The following STAU2 variants were observed in gnomAD, a reference collection of about 807,000 sequenced individuals.
STAU2 encodes double-stranded RNA-binding protein Staufen homolog 2.
A neutral mutation model predicts 65.9 loss-of-function variants in STAU2; 20 were observed. The observed-to-expected ratio is 0.30, with a 90% CI of 0.21 to 0.44. The LOEUF is 0.44. Ranked by LOEUF, STAU2 falls within the 20% of genes least tolerant of loss-of-function variation. STAU2 has a pLI of 1.00. For missense variants in STAU2, 558 were observed against 683.9 expected, an observed-to-expected ratio of 0.82 and a Z score of 2.05; for synonymous variants, 232 against 233.9, an observed-to-expected ratio of 0.99 and a Z score of 0.07.
At chr8:73,510,624 G>A (rs1327822057) in intron 13 of STAU2, among the ~76,000 whole-genome samples, 1 of 152,186 alleles carries the variant, frequency 6.6e-6, no homozygotes, top group Admixed American at 6.5e-5. Context: ...GAGGCCTCAG[G>A]AAACTTCAAT....
At position 73,420,751 on chromosome 8, in the gene STAU2, GT is replaced by G; in HGVS notation, c.*620del. ...TTGAAACTACTTGCTCTTAACATTA[GT>G]TCGTATTTTTCATCAGATATCTGAC... On this transcript the variant is annotated 3_prime_UTR_variant, in exon 15 of 15. Transcript: ENST00000524300. The G allele has an allele frequency of 6.4e-6, 1 of 155,664 alleles. No individual in the cohort carries two copies. The highest frequency in any genetic ancestry group is 3.4e-3 in the Middle Eastern group (1 of 296). 9.6% of individuals were successfully genotyped at this position (155,664 alleles called of 1,614,324 possible).
chr8:73,577,669 C>T (rs905509991), intron 12 of STAU2, among the ~76,000 whole-genome samples: 1 of 152,080 alleles, frequency 6.6e-6, no homozygotes, highest in Non-Finnish European at 1.5e-5. Context: ...GGCTAATTCC[C>T]TTCAGAATGA....
At chr8:73,694,589 A>G (rs1819576192) in intron 4 of STAU2, among the ~76,000 whole-genome samples, 1 of 152,214 alleles carries the variant, frequency 6.6e-6, no homozygotes, top group African/African-American at 2.4e-5. Context: ...CCCCCAGTGG[A>G]ACACCAAATT....
intron 4 of STAU2, among the ~76,000 whole-genome samples, chr8:73,704,797 C>T (rs1272808878): frequency 3.9e-5 from 6 of 152,040 alleles, no homozygotes; most frequent in African/African-American, 1.4e-4. Context: ...GCCTCCCGAG[C>T]AGCTGGGACT....
upstream of STAU2, chr8:73,747,424 A>G (rs1807363745): frequency 6.5e-7 from 1 of 1,534,988 alleles, no homozygotes; most frequent in Non-Finnish European, 8.7e-7. Context: ...TGTGCTGTGC[A>G]GGGGACGCGC....
intron 5 of STAU2, among the ~76,000 whole-genome samples, 147 bp downstream of exon 5, chr8:73,688,489 CGTGTGTGTGTGTGTGTGT>C (rs34713766): frequency 8.2e-5 from 12 of 146,970 alleles, no homozygotes; most frequent in South Asian, 2.2e-4. Flanking sequence ...TTTATGCTAC[CGTGTGTGTGTGTGTGTGT>C]GTGTGTGTGT....
At chr8:73,450,485 T>G (rs1334127161) in intron 13 of STAU2, among the ~76,000 whole-genome samples, 2 of 152,158 alleles carry the variant, frequency 1.3e-5, no homozygotes. Flanking sequence ...TAAAGACTCA[T>G]TTTACCCTCT....
intron 13 of STAU2, among the ~76,000 whole-genome samples, chr8:73,546,123 C>CTTTTTTTTTTTT (rs71561528): frequency 6.4e-5 from 6 of 93,290 alleles, no homozygotes; most frequent in Non-Finnish European, 9.6e-5. Flanking sequence ...GTTTGGTTTT[C>CTTTTTTTTTTTT]TTTTTTTTTT....
At chr8:73,623,162 G>A (rs1472072865) in intron 6 of STAU2, among the ~76,000 whole-genome samples, 3 of 152,108 alleles carry the variant, frequency 2.0e-5, no homozygotes, top group Non-Finnish European at 4.4e-5. Context: ...CTGACTGTTA[G>A]TTGTAGCAAC....
chr8:73,597,913 A>G (rs986365953), intron 10 of STAU2, among the ~76,000 whole-genome samples: 3 of 152,198 alleles, frequency 2.0e-5, no homozygotes, highest in African/African-American at 7.2e-5. Context: ...GAATTATGCT[A>G]TTCTTTTCAT....
intron 11 of STAU2, among the ~76,000 whole-genome samples, chr8:73,584,008 T>A (rs558015249): frequency 6.6e-6 from 1 of 152,212 alleles, no homozygotes; most frequent in African/African-American, 2.4e-5. Context: ...CTGCAAATAG[T>A]TTACCCATGT....
chr8:73,611,972 C>T (rs964717221), intron 9 of STAU2, among the ~76,000 whole-genome samples: 20 of 152,262 alleles, frequency 1.3e-4, no homozygotes, highest in African/African-American at 4.3e-4. Flanking sequence ...CATGAGCCAC[C>T]GTGCCCAGCC....
chr8:73,683,426 C>T (rs1818571173), intron 5 of STAU2, among the ~76,000 whole-genome samples: 1 of 152,078 alleles, frequency 6.6e-6, no homozygotes, highest in Admixed American at 6.6e-5. Context: ...ATGATTAAAA[C>T]CCTCAGCAAA....
At chr8:73,624,645 C>T (rs1018827690) in intron 6 of STAU2, among the ~76,000 whole-genome samples, 2 of 152,182 alleles carry the variant, frequency 1.3e-5, no homozygotes, top group Admixed American at 1.3e-4. Context: ...TGAGCCCAGG[C>T]AGTCTCACTC....
intron 13 of STAU2, among the ~76,000 whole-genome samples, chr8:73,537,667 C>T (rs1228140890): frequency 1.3e-5 from 2 of 152,170 alleles, no homozygotes; most frequent in African/African-American, 4.8e-5. Context: ...TACAAGGAAA[C>T]AGTCTGTCAC....
At chr8:73,461,731 A>G (rs1429392189) in intron 13 of STAU2, among the ~76,000 whole-genome samples, 1 of 152,066 alleles carries the variant, frequency 6.6e-6, no homozygotes, top group African/African-American at 2.4e-5. Context: ...AGCAGAAGCC[A>G]GGCAGGAACG....
intron 13 of STAU2, among the ~76,000 whole-genome samples, chr8:73,466,627 G>T (rs1819670614): frequency 6.6e-6 from 1 of 152,162 alleles, no homozygotes; most frequent in Admixed American, 6.5e-5. Context: ...CCATGGAGTT[G>T]CCCTGGCCTT....
In STAU2 at chr8:73,652,794, T is replaced by C. The variant is rs1440952079; in HGVS notation, c.410+20313A>G. 3 of 152,226 alleles carry C rather than the reference T, an allele frequency of 2.0e-5. No individual in the cohort carries two copies. The East Asian group carries it at 5.8e-4, about 29-fold the overall frequency. The allele number at this position is 152,226 out of a possible 1,614,324, so 9.4% of individuals were successfully genotyped here. ...AAAGTACTTCATGTCATTAAATATGTATGTGTAACACACATACACATACAT... is the reference window on the plus strand; with the variant it reads ...AAAGTACTTCATGTCATTAAATATGCATGTGTAACACACATACACATACAT... On this transcript the variant is annotated intron_variant, in intron 6 of 14. Transcript: ENST00000524300.
intron 5 of STAU2, among the ~76,000 whole-genome samples, chr8:73,687,246 A>AT: frequency 9.4e-5 from 12 of 127,762 alleles, no homozygotes; most frequent in Admixed American, 4.1e-4. Flanking sequence ...TAATTTAAAT[A>AT]TAAATTAATT....
Sources: allele counts gnomAD v4.1 joint callset (sites outside exome capture counted in the v4.1 genomes callset), GRCh38; gene constraint gnomAD v4.1.1; transcripts MANE v1.5; gene names NCBI Gene and HGNC (gene_info 2026-07-23, HGNC 2026-07-21).